The following PAG1 variants were observed in gnomAD, a reference collection of about 807,000 sequenced individuals.
PAG1 encodes the protein phosphoprotein membrane anchor with glycosphingolipid microdomains 1, also known as phosphoprotein associated with glycosphingolipid-enriched microdomains 1.
A neutral mutation model predicts 31.7 loss-of-function variants in PAG1; 23 were observed. That is an observed-to-expected ratio of 0.73 (90% CI 0.52 to 1.03). The LOEUF is 1.03. PAG1 is among the 50% of genes least tolerant of loss of function. The pLI, the probability that PAG1 is intolerant of heterozygous loss-of-function variation, is 0.00. For synonymous variants in PAG1, 214 were observed against 210.3 expected (o/e 1.02, Z -0.15); for missense variants, 473 against 540.7 (o/e 0.87, Z 1.24).
intron 2 of PAG1, among the ~76,000 whole-genome samples, chr8:81,040,336 G>C (rs868191800): frequency 4.6e-5 from 7 of 152,170 alleles, no homozygotes; most frequent in Admixed American, 1.3e-4. Flanking sequence ...TCTGAGGTCT[G>C]AGCCACAAAC....
intron 3 of PAG1, among the ~76,000 whole-genome samples, chr8:81,005,766 C>A (rs1246815691): frequency 6.6e-6 from 1 of 152,146 alleles, no homozygotes; most frequent in African/African-American, 2.4e-5. Flanking sequence ...CATCTGTCAG[C>A]CTCATAGGCT....
At chr8:81,031,710 T>C (rs1423416242) in intron 2 of PAG1, among the ~76,000 whole-genome samples, 1 of 152,256 alleles carries the variant, frequency 6.6e-6, no homozygotes, top group African/African-American at 2.4e-5. Context: ...AGATCCTGAC[T>C]TGAAAACTGG....
Position 81,056,639 on chromosome 8 carries a change from T to C in PAG1, c.-175+13473A>G, listed in dbSNP as rs1259374634. 3.3e-5 allele frequency among the ~76,000 whole-genome samples: 5 copies of C among 152,206 alleles called. No individual in the cohort carries two copies. The East Asian group carries it at 9.6e-4, about 29-fold the overall frequency. On this transcript the variant is annotated intron_variant, in intron 2 of 8. Coordinates refer to ENST00000220597, the MANE Select transcript of PAG1 (RefSeq NM_018440.4). ...ACCCTGGAAGAAAACCTAGGCAATA[T>C]CATTCAGGACATAGGCACGGGCAAG...
chr8:81,030,225 G>A (rs557442692), intron 2 of PAG1, 136 bp from the exon 3 acceptor site: 1 of 152,226 alleles, frequency 6.6e-6, no homozygotes, highest in Non-Finnish European at 1.5e-5. Context: ...ATTCCTTCCT[G>A]AACAAAGCAA....
At chr8:81,006,822 A>C (rs1807885495) in intron 3 of PAG1, among the ~76,000 whole-genome samples, 1 of 152,238 alleles carries the variant, frequency 6.6e-6, no homozygotes, top group Non-Finnish European at 1.5e-5. Flanking sequence ...CTCACATTGT[A>C]TGCCACAGTA....
At chr8:81,029,303 T>G (rs535377633) in intron 3 of PAG1, among the ~76,000 whole-genome samples, 1 of 152,020 alleles carries the variant, frequency 6.6e-6, no homozygotes, top group African/African-American at 2.4e-5. Flanking sequence ...CTAGAGTTAC[T>G]CCTCTGAAAC....
chr8:81,020,127 AC>A (rs1808137850), intron 3 of PAG1, among the ~76,000 whole-genome samples: 1 of 152,040 alleles, frequency 6.6e-6, no homozygotes. Flanking sequence ...CAATGCCTGT[AC>A]CCCCATTATA....
intron 3 of PAG1, among the ~76,000 whole-genome samples, chr8:81,011,519 T>C (rs775100118): frequency 2.0e-5 from 3 of 152,092 alleles, no homozygotes; most frequent in Non-Finnish European, 4.4e-5. Flanking sequence ...AAGTGACCAG[T>C]CTCAGGTATG....
chr8:81,028,822 T>C (rs12678914), intron 3 of PAG1, among the ~76,000 whole-genome samples: 45 of 152,290 alleles, frequency 3.0e-4, no homozygotes, highest in African/African-American at 9.9e-4. Context: ...GAACAGAGAA[T>C]GAATAGTATC....
chr8:81,042,718 T>C (rs1227373772), intron 2 of PAG1, among the ~76,000 whole-genome samples: 1 of 151,932 alleles, frequency 6.6e-6, no homozygotes. Flanking sequence ...CAGGAACAAG[T>C]AAAGGTGTTA....
intron 3 of PAG1, among the ~76,000 whole-genome samples, chr8:81,008,522 T>G (rs1165707922): frequency 6.7e-6 from 1 of 148,886 alleles, no homozygotes; most frequent in Non-Finnish European, 1.5e-5. Flanking sequence ...AGTATAATAC[T>G]ACATATAATA....
At chr8:81,042,208 G>GA (rs1250046912) in intron 2 of PAG1, among the ~76,000 whole-genome samples, 2 of 152,152 alleles carry the variant, frequency 1.3e-5, no homozygotes, top group Non-Finnish European at 2.9e-5. Flanking sequence ...GAGTGTCATA[G>GA]AAAACAGAGT....
At chr8:81,030,621 C>T (rs1447421923) in intron 2 of PAG1, among the ~76,000 whole-genome samples, 2 of 152,198 alleles carry the variant, frequency 1.3e-5, no homozygotes, top group African/African-American at 4.8e-5. Flanking sequence ...CCCGAGTTGT[C>T]CCTTCACGCA....
chr8:81,025,173 C>T (rs939206440), intron 3 of PAG1, among the ~76,000 whole-genome samples: 27 of 151,200 alleles, frequency 1.8e-4, no homozygotes, highest in African/African-American at 6.6e-4. Context: ...TTTACCTCTC[C>T]TTAAGACAAC....
chr8:80,998,189 G>A (rs934364756), intron 3 of PAG1, among the ~76,000 whole-genome samples: 6 of 149,782 alleles, frequency 4.0e-5, no homozygotes, highest in Admixed American at 2.7e-4. Flanking sequence ...GAGTGCAGTG[G>A]TGCTATCTCA....
Position 80,985,146 on chromosome 8 carries a change from C to A in PAG1, c.506G>T (p.Ser169Ile). Residue 169 changes from serine (S) to isoleucine (I), a missense_variant, in exon 7 of 9, where the codon AGC (serine) becomes ATC (isoleucine). Transcript: ENST00000220597. ...MEGPYEVLKD[S>I]SSQENMVEDC... Reference sequence around the variant, plus strand: ...CTCCACCATGTTTTCTTGGGAGGAGCTGTCCTTGAGCACTTCATAGGGCCC... The same window carrying A: ...CTCCACCATGTTTTCTTGGGAGGAGATGTCCTTGAGCACTTCATAGGGCCC... The A allele has an allele frequency of 6.2e-7, 1 of 1,614,124 alleles. No individual in the cohort carries two copies. Among genetic ancestry groups the A allele is most frequent in the East Asian group, 2.2e-5 (1 of 44,882 alleles).
chr8:81,048,795 T>C lies in PAG1; in HGVS notation c.-174-18706A>G, dbSNP rs150415639. Among the ~76,000 whole-genome samples the C allele has an allele frequency of 3.0e-4, 46 of 152,318 alleles. 1 individual carries two copies. In the East Asian group the frequency reaches 8.1e-3, roughly 27 times the overall value. The stretch of plus-strand genomic sequence containing the variant: ...ATGATCTTAAAAGCTGTTGTGAGAT[T>C]GTGTCCCATCTCCCTGCCTGGACAA... On this transcript the variant is annotated intron_variant, in intron 2 of 8. Transcript: ENST00000220597.
At chr8:81,041,166 T>C (rs572715012) in intron 2 of PAG1, among the ~76,000 whole-genome samples, 9 of 151,290 alleles carry the variant, frequency 5.9e-5, no homozygotes, top group African/African-American at 1.9e-4. Flanking sequence ...GCAAGAAATA[T>C]AGGAGCAGCC....
chr8:81,042,706 G>C (rs1808574474), intron 2 of PAG1, among the ~76,000 whole-genome samples: 1 of 152,048 alleles, frequency 6.6e-6, no homozygotes, highest in Non-Finnish European at 1.5e-5. Context: ...GGAAAACACA[G>C]ACAGGAACAA....
Sources: allele counts gnomAD v4.1 joint callset (sites outside exome capture counted in the v4.1 genomes callset), GRCh38; gene constraint gnomAD v4.1.1; transcripts MANE v1.5; gene names NCBI Gene and HGNC (gene_info 2026-07-23, HGNC 2026-07-21).